The following SLCO3A1 variants were observed in gnomAD, a reference collection of about 807,000 sequenced individuals.
SLCO3A1 encodes solute carrier organic anion transporter family member 3A1.
Under a neutral mutation model 63.1 loss-of-function variants are expected in SLCO3A1, and 27 were observed. The observed-to-expected ratio is 0.43, with a 90% confidence interval of 0.32 to 0.59. The LOEUF (loss-of-function observed/expected upper bound fraction) is 0.59, where lower values mean the gene tolerates loss of function less well. Among genes scored for constraint, SLCO3A1 ranks in the 20% least tolerant of loss-of-function variants. The pLI, the probability that SLCO3A1 is intolerant of heterozygous loss-of-function variation, is 0.09. For missense variants in SLCO3A1, 773 were observed against 945.8 expected (o/e 0.82, Z 2.40); for synonymous variants, 473 against 409.9 (o/e 1.15, Z -1.86).
At chr15:92,009,730 C>A (rs2046349106) in intron 2 of SLCO3A1, among the ~76,000 whole-genome samples, 1 of 152,186 alleles carries the variant, frequency 6.6e-6, no homozygotes, top group South Asian at 2.1e-4. Context: ...CTTCTAAAAG[C>A]TTCCTTAATG....
chr15:92,150,417 C>A (rs1328397366), intron 8 of SLCO3A1, among the ~76,000 whole-genome samples: 1 of 152,110 alleles, frequency 6.6e-6, no homozygotes, highest in South Asian at 2.1e-4. Flanking sequence ...TCAATATTAA[C>A]CATCACAGTG....
intron 1 of SLCO3A1, among the ~76,000 whole-genome samples, chr15:91,876,076 G>A (rs1486171690): frequency 6.6e-6 from 1 of 152,176 alleles, no homozygotes; most frequent in Non-Finnish European, 1.5e-5. Flanking sequence ...AGGACAAGGT[G>A]GACAGATAGT....
chr15:92,143,965 T>G (rs2048185715), intron 7 of SLCO3A1, among the ~76,000 whole-genome samples: 1 of 152,134 alleles, frequency 6.6e-6, no homozygotes, highest in Admixed American at 6.5e-5. Context: ...AGCAGCCAGG[T>G]CACCAGAGGT....
At position 92,133,773 on chromosome 15, in the gene SLCO3A1, A is replaced by G. The variant is rs999502445; in HGVS notation, c.1512+5284A>G. Reference sequence around the variant, plus strand: ...ACTTTATGGTGAATTGTATAATTACATTTCATTATATAATACAATGTAATA... The same window carrying G: ...ACTTTATGGTGAATTGTATAATTACGTTTCATTATATAATACAATGTAATA... On this transcript the variant is annotated intron_variant, in intron 7 of 9. Transcript: ENST00000318445. 1.5e-4 allele frequency among the ~76,000 whole-genome samples: 22 copies of G among 150,520 alleles called. 3 individuals are homozygous for G. Among genetic ancestry groups the G allele is most frequent in the Non-Finnish European group, 3.0e-4 (20 of 67,344 alleles).
rs1897737574 is a variant in SLCO3A1 at position 91,886,884 on chromosome 15, T to C, written c.181-29109T>C. Among the ~76,000 whole-genome samples the C allele has an allele frequency of 6.6e-6, 1 of 152,218 alleles. No homozygotes were observed. The highest frequency in any genetic ancestry group is 1.5e-5 in the Non-Finnish European group (1 of 68,042). On this transcript the variant is annotated intron_variant, in intron 1 of 9. Transcript: ENST00000318445. The surrounding 1 kb of genome is among the most constrained non-coding windows in gnomAD (Gnocchi z 4.9). ...GTTTCTAGTCTTGCAATTTGTATAT[T>C]ATCATTCAGAACCCCAGGCTCAGGA...
rs56878949 is a variant in SLCO3A1 at position 92,069,022 on chromosome 15, G to GA, written c.647-25856dup. Among the ~76,000 whole-genome samples the GA allele has an allele frequency of 2.0e-3, 300 of 152,286 alleles. 1 individual carries two copies. The highest frequency in any genetic ancestry group is 6.2e-3 in the African/African-American group (256 of 41,536). ...GTGCTGGGCGATAGGGAGACAAAGA[G>GA]AAATAAGACCGAGGTTCTTCCCCTC... On this transcript the variant is annotated intron_variant, in intron 2 of 9. Coordinates refer to ENST00000318445, the MANE Select transcript of SLCO3A1 (RefSeq NM_013272.4).
At chr15:92,052,104 A>C (rs1026953361) in intron 2 of SLCO3A1, among the ~76,000 whole-genome samples, 2 of 152,106 alleles carry the variant, frequency 1.3e-5, no homozygotes, top group Admixed American at 6.6e-5. Context: ...GCTCATCGCC[A>C]TATCCCCAAC....
intron 2 of SLCO3A1, among the ~76,000 whole-genome samples, chr15:91,975,337 C>T (rs1901060447): frequency 1.3e-5 from 2 of 152,224 alleles, no homozygotes; most frequent in South Asian, 4.1e-4. Context: ...CACCCCACCC[C>T]CTTGTCCCAA....
At chr15:92,087,972 G>A (rs764393028) in intron 2 of SLCO3A1, among the ~76,000 whole-genome samples, 4 of 152,282 alleles carry the variant, frequency 2.6e-5, no homozygotes, top group South Asian at 4.1e-4. Flanking sequence ...TCCCATGGTC[G>A]GATTGCATCT....
chr15:92,014,584 TCTC>T (rs1170142513), intron 2 of SLCO3A1, among the ~76,000 whole-genome samples: 1 of 152,100 alleles, frequency 6.6e-6, no homozygotes, highest in Non-Finnish European at 1.5e-5. Context: ...AAACCTGCCC[TCTC>T]CTCCTTGTCA....
intron 6 of SLCO3A1, 107 bp from the exon 7 acceptor site, chr15:92,128,244 A>C: frequency 1.5e-6 from 2 of 1,305,680 alleles, no homozygotes; most frequent in Non-Finnish European, 2.2e-6. Context: ...TCCCATAAGC[A>C]GGGTACCACG....
intron 7 of SLCO3A1, among the ~76,000 whole-genome samples, chr15:92,143,929 G>A (rs1329602280): frequency 1.3e-5 from 2 of 152,194 alleles, no homozygotes; most frequent in Non-Finnish European, 2.9e-5. Flanking sequence ...TGGGCACTCT[G>A]CGATGTGGGG....
At chr15:92,088,464 G>T (rs183615968) in intron 2 of SLCO3A1, among the ~76,000 whole-genome samples, 1 of 152,334 alleles carries the variant, frequency 6.6e-6, no homozygotes, top group East Asian at 1.9e-4. Context: ...GTTTAACCCA[G>T]ATTTGCTTAA....
chr15:91,946,454 AG>A (rs1382238771), intron 2 of SLCO3A1, among the ~76,000 whole-genome samples: 2 of 152,216 alleles, frequency 1.3e-5, no homozygotes, highest in African/African-American at 4.8e-5. Context: ...CATCCTTCAG[AG>A]TTTATGGCAA....
chr15:91,916,307 C>T lies in SLCO3A1; in HGVS notation c.495C>T (p.Leu165=). Residue 165 remains leucine, a synonymous_variant, in exon 2 of 10, where the codon CTC becomes CTT. Coordinates refer to ENST00000318445, the MANE Select transcript of SLCO3A1 (RefSeq NM_013272.4). This position sits in a 1 kb window ranked among gnomAD's most constrained non-coding sequence, Gnocchi z 6.2. The part of the protein sequence containing the change: ...SGGDEGPDPD[L]ICRNRTATNM... ...GCGACGAGGGGCCCGACCCCGACCT[C>T]ATCTGCCGCAACCGGACGGCTACCA... 6.3e-7 allele frequency: 1 copy of T among 1,576,260 alleles called. No individual in the cohort carries two copies. Among genetic ancestry groups the T allele is most frequent in the Non-Finnish European group, 8.6e-7 (1 of 1,161,946 alleles).
chr15:92,128,281 CTGTCACTGGGGGCA>C, intron 6 of SLCO3A1, 56 bp from the exon 7 acceptor site: 2 of 1,586,020 alleles, frequency 1.3e-6, no homozygotes. Flanking sequence ...AGGCAAAAGG[CTGTCACTGGGGGCA>C]TCTGATTCCG....
intron 2 of SLCO3A1, among the ~76,000 whole-genome samples, chr15:92,017,335 A>G (rs1287326050): frequency 6.6e-6 from 1 of 151,788 alleles, no homozygotes; most frequent in Non-Finnish European, 1.5e-5. Context: ...CTAAGTAGCA[A>G]AAGGAAGCAG....
chr15:92,145,198 A>G (rs528935941), intron 7 of SLCO3A1, among the ~76,000 whole-genome samples: 2 of 152,288 alleles, frequency 1.3e-5, no homozygotes, highest in African/African-American at 2.4e-5. Flanking sequence ...GCGTGTGGAA[A>G]CAGAAGCCAG....
At position 91,931,482 on chromosome 15, in the gene SLCO3A1, T is replaced by C. The variant is rs181897134; in HGVS notation, c.646+15024T>C. ...TTCTGCTGGGTTGTATCTTTTTTTTTTTTTTTGAGACAGAGTCTCGCTCTG... is the reference window on the plus strand; with the variant it reads ...TTCTGCTGGGTTGTATCTTTTTTTTCTTTTTTGAGACAGAGTCTCGCTCTG... On this transcript the variant is annotated intron_variant, in intron 2 of 9. Transcript: ENST00000318445. 4.4e-3 allele frequency among the ~76,000 whole-genome samples: 663 copies of C among 151,786 alleles called. 4 individuals carry two copies. Among genetic ancestry groups the C allele is most frequent in the African/African-American group, 0.015 (631 of 41,422 alleles).
Sources: gnomAD v4.1 joint callset for allele counts (sites outside exome capture counted in the v4.1 genomes callset) on GRCh38, gnomAD v4.1.1 for gene constraint, Gnocchi (gnomAD v3.1) non-coding constraint, MANE v1.5 for transcripts, NCBI Gene and HGNC (gene_info 2026-07-23, HGNC 2026-07-21) for gene names.